The following SLC25A26 variants were observed in gnomAD, a reference collection of about 807,000 sequenced individuals.
SLC25A26 encodes solute carrier family 25 member 26, also known as mitochondrial S-adenosylmethionine carrier protein.
SLC25A26 carries 36 observed loss-of-function variants against 37.8 expected under a neutral mutation model. That is an observed-to-expected ratio of 0.95 (90% CI 0.73 to 1.26). The LOEUF (loss-of-function observed/expected upper bound fraction) is 1.26. Ranked by LOEUF, SLC25A26 falls within the 50% of genes most tolerant of loss-of-function variation. The pLI is 0.00. For synonymous variants in SLC25A26, 129 were observed against 122.5 expected (o/e 1.05, Z -0.35); for missense variants, 390 against 331.1 (o/e 1.18, Z -1.38).
chr3:66,240,995 C>T (rs1420893857), intron 2 of SLC25A26, among the ~76,000 whole-genome samples: 2 of 152,282 alleles, frequency 1.3e-5, no homozygotes, highest in Non-Finnish European at 2.9e-5. Context: ...GATCCACCTG[C>T]CTCGTCCTCC....
At chr3:66,176,969 T>C (rs2070598499) in intron 1 of SLC25A26, among the ~76,000 whole-genome samples, 1 of 152,200 alleles carries the variant, frequency 6.6e-6, no homozygotes, top group African/African-American at 2.4e-5. Context: ...ATAACCTTCG[T>C]AGGTCTTTTT....
intron 1 of SLC25A26, among the ~76,000 whole-genome samples, chr3:66,225,391 A>G (rs1324442060): frequency 1.3e-5 from 2 of 152,110 alleles, no homozygotes; most frequent in African/African-American, 2.4e-5. Context: ...CCTGAGCTCT[A>G]CCTTGGCCCC....
intron 6 of SLC25A26, among the ~76,000 whole-genome samples, chr3:66,355,231 A>G (rs919521389): frequency 2.6e-5 from 4 of 152,110 alleles, no homozygotes; most frequent in African/African-American, 7.2e-5. Context: ...TACCAGCACA[A>G]TCATTAGTTC....
intron 9 of SLC25A26, chr3:66,371,132 A>G: frequency 7.0e-7 from 1 of 1,422,012 alleles, no homozygotes; most frequent in Non-Finnish European, 9.2e-7. Flanking sequence ...TTGCTTTGAC[A>G]CCATAAACTT....
chr3:66,219,618 G>C (rs2071415697), upstream of SLC25A26, among the ~76,000 whole-genome samples: 1 of 152,256 alleles, frequency 6.6e-6, no homozygotes, highest in Admixed American at 6.5e-5. Context: ...AGGAGGCTTG[G>C]AAGTGTATAG....
intron 1 of SLC25A26, among the ~76,000 whole-genome samples, chr3:66,148,998 T>G (rs1036197736): frequency 4.6e-5 from 7 of 152,188 alleles, no homozygotes; most frequent in African/African-American, 9.7e-5. Flanking sequence ...TTATTCCTTC[T>G]GGGGAACCTT....
chr3:66,165,645 G>C (rs532000661), intron 1 of SLC25A26, among the ~76,000 whole-genome samples: 1 of 152,128 alleles, frequency 6.6e-6, no homozygotes, highest in East Asian at 1.9e-4. Flanking sequence ...AGCAAATCCT[G>C]GGAATGAGAG....
At chr3:66,313,911 G>T (rs1216519645) in intron 5 of SLC25A26, among the ~76,000 whole-genome samples, 2 of 151,930 alleles carry the variant, frequency 1.3e-5, no homozygotes, top group Non-Finnish European at 2.9e-5. Context: ...TCATGATTTG[G>T]CTCTCTGCTT....
At chr3:66,327,514 A>G (rs1311808929) in intron 5 of SLC25A26, among the ~76,000 whole-genome samples, 1 of 152,216 alleles carries the variant, frequency 6.6e-6, no homozygotes, top group Admixed American at 6.5e-5. Context: ...AAAAATAAAA[A>G]TGAAACGTGT....
rs942675542 is a variant in SLC25A26 at position 66,197,358 on chromosome 3, G to T, written c.-353-23384G>T. Among the ~76,000 whole-genome samples, 156 of 152,166 alleles carry T rather than the reference G, an allele frequency of 1.0e-3. 5 individuals carry two copies. Among genetic ancestry groups the T allele is most frequent in the African/African-American group, 3.4e-3 (143 of 41,500 alleles). ...GGGTAAGGGTGAGTGTCAAGGTTGG[G>T]TCATGGTGAAATTCAGAGTAAGTTT... On this transcript the variant is annotated intron_variant, in intron 1 of 10. Coordinates refer to the SLC25A26 transcript ENST00000676754.
intron 1 of SLC25A26, among the ~76,000 whole-genome samples, chr3:66,209,413 G>T: frequency 7.3e-6 from 1 of 136,062 alleles, no homozygotes. Flanking sequence ...ATGTGTATAT[G>T]TATATATATC....
chr3:66,257,394 C>T (rs1446903615), intron 3 of SLC25A26, among the ~76,000 whole-genome samples: 1 of 151,994 alleles, frequency 6.6e-6, no homozygotes. Flanking sequence ...GCCAGGGAAA[C>T]ACCTGGGAAT....
At chr3:66,309,858 G>A (rs538216800) in intron 5 of SLC25A26, among the ~76,000 whole-genome samples, 1 of 139,540 alleles carries the variant, frequency 7.2e-6, no homozygotes, top group Admixed American at 6.7e-5. Context: ...ACTGTGGTCT[G>A]AGAGACTGTT....
intron 1 of SLC25A26, among the ~76,000 whole-genome samples, chr3:66,229,924 T>C (rs2071931505): frequency 6.6e-6 from 1 of 152,186 alleles, no homozygotes; most frequent in Non-Finnish European, 1.5e-5. Context: ...AGCAGAGATT[T>C]CTGGAGAAGT....
At chr3:66,199,909 A>G (rs1559573522) in intron 1 of SLC25A26, among the ~76,000 whole-genome samples, 1 of 152,170 alleles carries the variant, frequency 6.6e-6, no homozygotes, top group East Asian at 1.9e-4. Context: ...CCTAACCATG[A>G]CATGCACCCT....
intron 5 of SLC25A26, among the ~76,000 whole-genome samples, chr3:66,321,010 G>A (rs1216395231): frequency 6.6e-6 from 1 of 152,074 alleles, no homozygotes; most frequent in Non-Finnish European, 1.5e-5. Flanking sequence ...ATGGCCTTTG[G>A]AAGGTGAATT....
rs758297230 is a variant in SLC25A26, at chr3:66,262,100, A to G, written c.350A>G (p.Gln117Arg). 5.7e-6 allele frequency: 9 copies of G among 1,589,910 alleles called. No homozygotes were observed. Among genetic ancestry groups the G allele is most frequent in the Non-Finnish European group, 7.7e-6 (9 of 1,167,214 alleles). ...TCTGAAGTGGTTAAGCAGAGGGCAC[A>G]GGTATCTGCTTCTACAAGAACATTT... The part of the protein sequence containing the change: ...VPSEVVKQRA[Q>R]VSASTRTFQI... The change falls in exon 4 of 10, where the codon CAG (glutamine) becomes CGG (arginine). Residue 117 changes from glutamine to arginine, a missense_variant. By Grantham distance (43) the Gln-to-Arg change is conservative. Coordinates refer to ENST00000354883, the MANE Select transcript of SLC25A26 (RefSeq NM_001379210.1).
chr3:66,374,190 CTTT>C (rs1282111172), intron 9 of SLC25A26, among the ~76,000 whole-genome samples: 1 of 147,400 alleles, frequency 6.8e-6, no homozygotes, highest in African/African-American at 2.5e-5. Flanking sequence ...TCTCAGTGCA[CTTT>C]TTTTCCAAAT....
chr3:66,203,797 C>G (rs1210153700), intron 1 of SLC25A26, among the ~76,000 whole-genome samples: 1 of 152,148 alleles, frequency 6.6e-6, no homozygotes, highest in African/African-American at 2.4e-5. Flanking sequence ...CTAGGGTCTG[C>G]TTGTTGAGCT....
Sources: gnomAD v4.1 joint callset for allele counts (sites outside exome capture counted in the v4.1 genomes callset) on GRCh38, gnomAD v4.1.1 for gene constraint, MANE v1.5 for transcripts, NCBI Gene and HGNC (gene_info 2026-07-23, HGNC 2026-07-21) for gene names.